The following ANK3 variants were observed in gnomAD, a reference collection of about 807,000 sequenced individuals.
ANK3 encodes the protein ankyrin-3.
A neutral mutation model predicts 370.9 loss-of-function variants in ANK3; 57 were observed. The observed-to-expected ratio is 0.15, with a 90% CI of 0.12 to 0.19. The LOEUF is 0.19. Among genes scored for constraint, ANK3 ranks in the 10% least tolerant of loss-of-function variants. The pLI is 1.00. For missense variants in ANK3, 4,439 were observed against 5,302.1 expected (o/e 0.84, Z 5.06); for synonymous variants, 1,929 against 1,946.3 (o/e 0.99, Z 0.23).
chr10:60,435,183 A>G (rs1036528869), intron 2 of ANK3, among the ~76,000 whole-genome samples: 31 of 152,114 alleles, frequency 2.0e-4, no homozygotes, highest in African/African-American at 6.5e-4. Flanking sequence ...ACAGTATAGG[A>G]TTACGGGTTG....
intron 1 of ANK3, among the ~76,000 whole-genome samples, chr10:60,721,169 A>G (rs998730131): frequency 6.6e-6 from 1 of 152,222 alleles, no homozygotes; most frequent in African/African-American, 2.4e-5. Flanking sequence ...TGCAAAATAT[A>G]CATGAAGTAC....
chr10:60,186,347 C>CTCTCTTTTT (rs565262395), intron 17 of ANK3, among the ~76,000 whole-genome samples: 2,380 of 133,170 alleles, frequency 0.018, 91 homozygotes, highest in African/African-American at 0.063. Context: ...ATCTTTCTGT[C>CTCTCTTTTT]TTTTTTTTTT....
intron 21 of ANK3, among the ~76,000 whole-genome samples, chr10:60,171,496 G>A (rs1381105672): frequency 6.6e-6 from 1 of 152,184 alleles, no homozygotes; most frequent in Non-Finnish European, 1.5e-5. Context: ...GGACAGAGCT[G>A]ATAATTCAAA....
rs199993639 is a variant in ANK3, at chr10:60,331,581, A to C, written c.115-51942T>G. The stretch of plus-strand genomic sequence containing the variant: ...TTAAAACAGCCTAATTAAAAAAAAA[A>C]AAAAAACAAAAAGACTCTCATTGCA... On this transcript the variant is annotated intron_variant, in intron 1 of 43. Transcript: ENST00000280772. 1.7e-3 allele frequency among the ~76,000 whole-genome samples: 254 copies of C among 151,864 alleles called. 4 individuals carry two copies. The highest frequency in any genetic ancestry group is 4.4e-3 in the East Asian group (23 of 5,170).
intron 1 of ANK3, among the ~76,000 whole-genome samples, chr10:60,706,606 G>A (rs557514599): frequency 4.6e-5 from 7 of 151,872 alleles, no homozygotes; most frequent in South Asian, 2.1e-4. Context: ...CTGTTGAGTC[G>A]CTTTTTTGTG....
rs567846316 is a variant in ANK3, at chr10:60,191,969, C to T, written c.1887+4176G>A. ...TGTCACCCAGGCTGGAGTGCAGTGG[C>T]GCGGTCTTGGCTCACTGCATCCTCT... On this transcript the variant is annotated intron_variant, in intron 16 of 43. Coordinates refer to ENST00000280772, the MANE Select transcript of ANK3 (RefSeq NM_020987.5). Among the ~76,000 whole-genome samples, 8 of 152,120 alleles carry T rather than the reference C, an allele frequency of 5.3e-5. No homozygotes were observed. The South Asian group carries it at 1.0e-3, about 20-fold the overall frequency.
At chr10:60,416,483 A>T (rs1300942700) in intron 2 of ANK3, among the ~76,000 whole-genome samples, 1 of 152,216 alleles carries the variant, frequency 6.6e-6, no homozygotes, top group South Asian at 2.1e-4. Context: ...GAGGACATCC[A>T]ATATGATTTC....
chr10:60,477,741 A>G (rs1212193314), intron 2 of ANK3, among the ~76,000 whole-genome samples: 1 of 152,126 alleles, frequency 6.6e-6, no homozygotes, highest in Non-Finnish European at 1.5e-5. Flanking sequence ...TAAAAATTAT[A>G]TAAATGACTG....
At chr10:60,407,378 G>A (rs2063476163) in intron 2 of ANK3, among the ~76,000 whole-genome samples, 1 of 152,130 alleles carries the variant, frequency 6.6e-6, no homozygotes, top group Admixed American at 6.5e-5. Flanking sequence ...CTCCTCTACA[G>A]AATTGTGAGG....
intron 1 of ANK3, among the ~76,000 whole-genome samples, chr10:60,718,846 C>T (rs187547503): frequency 1.3e-5 from 2 of 152,250 alleles, no homozygotes; most frequent in Admixed American, 1.3e-4. Context: ...TGATAGTACA[C>T]AAAAGTTATG....
chr10:60,074,081 A>C lies in ANK3; in HGVS notation c.6800T>G (p.Ile2267Ser). The C allele has an allele frequency of 6.2e-7, 1 of 1,614,094 alleles. No homozygotes were observed. The highest frequency in any genetic ancestry group is 1.3e-5 in the African/African-American group (1 of 75,036). ...GTCATGGACTGACATGGTTTCTTCA[A>C]TTCTTTCAGATGCACCTTCACCGCC... ...PPGGEGASERIEETMSVHDIM... is the reference protein window; with the variant it reads ...PPGGEGASERSEETMSVHDIM... Residue 2267 changes from isoleucine (I) to serine (S), a missense_variant, in exon 37 of 44, where the codon ATT (isoleucine) becomes AGT (serine). This residue lies in a region of ANK3 where 1,601 missense variants were observed against 1,731.7 expected (regional missense o/e 0.92). Transcript: ENST00000280772.
chr10:60,093,947 T>G (rs2089420400), intron 28 of ANK3, among the ~76,000 whole-genome samples: 2 of 152,152 alleles, frequency 1.3e-5, no homozygotes, highest in African/African-American at 4.8e-5. Flanking sequence ...AGCAATTCTT[T>G]TGACACCATT....
chr10:60,495,180 GA>G (rs1475683652), intron 2 of ANK3, among the ~76,000 whole-genome samples: 1 of 149,098 alleles, frequency 6.7e-6, no homozygotes, highest in Non-Finnish European at 1.5e-5. Flanking sequence ...GCAATTTTAA[GA>G]AGCTTTTCTA....
At chr10:60,144,140 C>T in intron 23 of ANK3, 1 of 402,906 alleles carries the variant, frequency 2.5e-6, no homozygotes, top group Non-Finnish European at 4.9e-6. Flanking sequence ...TCAGCTGAGC[C>T]CCGATTAACT....
chr10:60,556,863 G>C (rs1325867308), intron 2 of ANK3, among the ~76,000 whole-genome samples: 1 of 152,170 alleles, frequency 6.6e-6, no homozygotes, highest in Non-Finnish European at 1.5e-5. Flanking sequence ...GGTGGGTAGT[G>C]AGCATTACTG....
At chr10:60,526,253 CAA>C (rs1282544353) in intron 2 of ANK3, among the ~76,000 whole-genome samples, 1 of 152,046 alleles carries the variant, frequency 6.6e-6, no homozygotes, top group Non-Finnish European at 1.5e-5. Flanking sequence ...CCTCAGTATA[CAA>C]AAGACGTATT....
At position 60,026,899 on chromosome 10, in the gene ANK3, A is replaced by G. The variant is rs2072429863; in HGVS notation, c.*2947T>C. ...TTTTTTACAGTAATGTCAATCAATG[A>G]AAAGCTTAAATACATATTTATAAGC... is the stretch of plus-strand genomic sequence containing the variant. On this transcript the variant is annotated 3_prime_UTR_variant, in exon 44 of 44. Transcript: ENST00000280772. 6.6e-6 allele frequency: 1 copy of G among 152,258 alleles called. No homozygotes were observed. Among genetic ancestry groups the G allele is most frequent in the Admixed American group, 6.5e-5 (1 of 15,286 alleles). The allele number at this position is 152,258 out of a possible 1,614,324, so 9.4% of individuals were successfully genotyped here.
chr10:60,094,872 TAATGTGTTAACACATTC>T (rs1184338235), intron 28 of ANK3, among the ~76,000 whole-genome samples: 1 of 152,244 alleles, frequency 6.6e-6, no homozygotes, highest in Non-Finnish European at 1.5e-5. Flanking sequence ...GATAACATTT[TAATGTGTTAACACATTC>T]AACTCAAACC....
chr10:60,572,669 C>G (rs2133269165), intron 2 of ANK3: 1 of 1,437,394 alleles, frequency 7.0e-7, no homozygotes, highest in South Asian at 1.5e-5. Flanking sequence ...TGCTTAAACC[C>G]AGCCCCTGCT....
Sources: gnomAD v4.1 joint callset for allele counts (sites outside exome capture counted in the v4.1 genomes callset) on GRCh38, gnomAD v4.1.1 for gene constraint, gnomAD v4.1.1 regional missense constraint, MANE v1.5 for transcripts, NCBI Gene and HGNC (gene_info 2026-07-23, HGNC 2026-07-21) for gene names.